MYO9B: variants seen among roughly 807,000 people sequenced by gnomAD.
MYO9B encodes unconventional myosin-IXb.
MYO9B carries 71 observed loss-of-function variants against 229.5 expected under a neutral mutation model. The observed-to-expected ratio is 0.31, with a 90% confidence interval of 0.26 to 0.38. The LOEUF (loss-of-function observed/expected upper bound fraction) is 0.38, where lower values mean the gene tolerates loss of function less well. Ranked by LOEUF, MYO9B falls within the 10% of genes least tolerant of loss-of-function variation. The pLI, the probability that MYO9B is intolerant of heterozygous loss-of-function variation, is 1.00. For synonymous variants in MYO9B, 1,185 were observed against 1,235.8 expected (o/e 0.96, Z 0.86); for missense variants, 2,255 against 2,920.5 (o/e 0.77, Z 5.25).
chr19:17,200,584 C>T, intron 25 of MYO9B, 55 bp from the exon 26 acceptor site: 1 of 1,543,204 alleles, frequency 6.5e-7, no homozygotes, highest in Non-Finnish European at 8.8e-7. Context: ...ATAGGAGGTC[C>T]CCTGCATCCT....
intron 10 of MYO9B, among the ~76,000 whole-genome samples, chr19:17,167,239 C>T (rs1343161173): frequency 2.7e-5 from 4 of 146,704 alleles, no homozygotes; most frequent in Non-Finnish European, 5.9e-5. Context: ...TGCTATATTG[C>T]CCGGGCTGGT....
chr19:17,194,734 G>A lies in MYO9B; in HGVS notation c.3307G>A (p.Val1103Met), dbSNP rs375211356. The A allele has an allele frequency of 8.7e-6, 14 of 1,612,926 alleles. No individual in the cohort carries two copies. In the African/African-American group the frequency reaches 1.5e-4, roughly 17 times the overall value. Residue 1103 changes from valine to methionine, a missense_variant, in exon 22 of 40, where the codon GTG becomes ATG. Physicochemically the swap from Val to Met is conservative, Grantham distance 21. This residue lies in a region of MYO9B where 679 missense variants were observed against 770.2 expected (regional missense o/e 0.88). Coordinates refer to ENST00000682292, the MANE Select transcript of MYO9B (RefSeq NM_004145.4). ...CGGGCACCTGGCATCGGAGCCTGAGGTGCAGCCAAGTGACAGGTCCCCCCT... is the reference window on the plus strand; with the variant it reads ...CGGGCACCTGGCATCGGAGCCTGAGATGCAGCCAAGTGACAGGTCCCCCCT... ...DGGHLASEPE[V>M]QPSDRSPLEH...
intron 14 of MYO9B, chr19:17,177,414 C>G (rs1434865667): frequency 6.6e-6 from 1 of 151,758 alleles, no homozygotes; most frequent in Non-Finnish European, 1.5e-5. Context: ...GGTGTAATCA[C>G]AGCTCACTGC....
intron 23 of MYO9B, 75 bp downstream of exon 23, chr19:17,197,933 A>G: frequency 6.5e-7 from 1 of 1,545,636 alleles, no homozygotes; most frequent in Non-Finnish European, 8.9e-7. Context: ...GCTTGCCTGT[A>G]ACCCCAGCTA....
At chr19:17,200,530 T>C (rs960330284) in intron 25 of MYO9B, 104 bp downstream of exon 25, 137 of 1,510,538 alleles carry the variant, frequency 9.1e-5, no homozygotes, top group Non-Finnish European at 1.2e-4. Flanking sequence ...GGCCAAGCCC[T>C]AGGCACAGAG....
intron 11 of MYO9B, among the ~76,000 whole-genome samples, chr19:17,170,548 C>A (rs1012929109): frequency 1.3e-5 from 2 of 150,332 alleles, no homozygotes; most frequent in Non-Finnish European, 3.0e-5. Flanking sequence ...GCGGTGGCTC[C>A]CACCTGTAAT....
At chr19:17,091,996 C>T in intron 1 of MYO9B, among the ~76,000 whole-genome samples, 1 of 152,242 alleles carries the variant, frequency 6.6e-6, no homozygotes, top group Admixed American at 6.5e-5. Context: ...CAGAGGGCTC[C>T]TGGTGCTCCA....
At chr19:17,112,905 G>T (rs2057862349) in intron 2 of MYO9B, among the ~76,000 whole-genome samples, 1 of 152,242 alleles carries the variant, frequency 6.6e-6, no homozygotes, top group Admixed American at 6.5e-5. Context: ...TTGAGAGGGG[G>T]CGTGTGGCTC....
rs201018459 is a variant in MYO9B at position 17,205,292 on chromosome 19, G to A, written c.5020G>A (p.Val1674Met). Reference protein sequence around the residue: ...VCKMTCHKKCVHKIQSHCSYT... With the variant: ...VCKMTCHKKCMHKIQSHCSYT... ...CAAGATGACCTGCCACAAGAAGTGC[G>A]TGCACAAGATTCAGAGCCACTGCTC... Residue 1674 changes from valine to methionine, a missense_variant, in exon 31 of 40, where the codon GTG becomes ATG. By Grantham distance (21) the Val-to-Met change is conservative. Transcript: ENST00000682292. 237 of 1,613,846 alleles carry A rather than the reference G, an allele frequency of 1.5e-4. No individual in the cohort carries two copies. The highest frequency in any genetic ancestry group is 1.8e-4 in the Non-Finnish European group (212 of 1,179,836).
At chr19:17,160,915 T>C (rs1159864150) in intron 8 of MYO9B, among the ~76,000 whole-genome samples, 1 of 151,968 alleles carries the variant, frequency 6.6e-6, no homozygotes, top group African/African-American at 2.4e-5. Context: ...GTCAGGCTGG[T>C]CTTGAACTCC....
chr19:17,206,230 A>ACCCCCCCCCC lies in MYO9B; in HGVS notation c.5258-14_5258-13insCCCCCCCCCC. 7.4e-6 allele frequency: 3 copies of ACCCCCCCCCC among 407,810 alleles called. No individual in the cohort carries two copies. The highest frequency in any genetic ancestry group is 3.7e-5 in the Admixed American group (1 of 26,742). 25.3% of individuals were successfully genotyped at this position (407,810 alleles called of 1,614,324 possible). A position where few individuals can be genotyped will look rare whatever the true frequency, so the allele number is the denominator to read the frequency against. On this transcript the variant is annotated splice_polypyrimidine_tract_variant and intron_variant, in intron 32 of 39. Coordinates refer to ENST00000682292, the MANE Select transcript of MYO9B (RefSeq NM_004145.4). ...TGCCAGTGCGCCGCTCACCAGACCC[A>ACCCCCCCCCC]CCCCACCCACCCCACAGACCCCGCA...
At position 17,121,668 on chromosome 19, in the gene MYO9B, T is replaced by C. The variant is rs1157901463; in HGVS notation, c.840+19111T>C. The stretch of plus-strand genomic sequence containing the variant: ...CCTAAGGAGATTACCTTTCTTTACA[T>C]GTGCAAATGTTCACTTTTGCCGCAT... On this transcript the variant is annotated intron_variant, in intron 2 of 39. Transcript: ENST00000682292. Among the ~76,000 whole-genome samples, 4 of 152,156 alleles carry C rather than the reference T, an allele frequency of 2.6e-5. No homozygotes were observed. The East Asian group carries it at 7.7e-4, about 29-fold the overall frequency.
chr19:17,151,791 G>C (rs778136108), intron 3 of MYO9B, among the ~76,000 whole-genome samples: 1 of 152,080 alleles, frequency 6.6e-6, no homozygotes, highest in Non-Finnish European at 1.5e-5. Context: ...CCAGCCACTC[G>C]GGAGGTTGAG....
At chr19:17,205,460 C>A in intron 31 of MYO9B, 124 bp downstream of exon 31, 1 of 874,412 alleles carries the variant, frequency 1.1e-6, no homozygotes, top group Admixed American at 2.1e-5. Context: ...GCGGCTGTGG[C>A]CTCTGGTTCT....
chr19:17,084,351 T>A (rs950041068), intron 1 of MYO9B, among the ~76,000 whole-genome samples: 2 of 149,962 alleles, frequency 1.3e-5, no homozygotes, highest in African/African-American at 2.4e-5. Flanking sequence ...AAAAAAAAAA[T>A]TATTGGGAAT....
chr19:17,174,855 A>C (rs1599392784), intron 13 of MYO9B, among the ~76,000 whole-genome samples: 1 of 151,166 alleles, frequency 6.6e-6, no homozygotes, highest in Non-Finnish European at 1.5e-5. Flanking sequence ...AATCACTTAA[A>C]CCGGGGAGGC....
At chr19:17,142,820 G>T (rs186466024) in intron 2 of MYO9B, among the ~76,000 whole-genome samples, 1 of 152,018 alleles carries the variant, frequency 6.6e-6, no homozygotes, top group Non-Finnish European at 1.5e-5. Context: ...TTCTTGGCTC[G>T]CAGGCGATTA....
chr19:17,209,764 C>T, intron 36 of MYO9B, 55 bp downstream of exon 36: 1 of 1,506,356 alleles, frequency 6.6e-7, no homozygotes, highest in Non-Finnish European at 9.0e-7. Flanking sequence ...GAGCCTGGTG[C>T]TGGGCAGGGC....
intron 2 of MYO9B, among the ~76,000 whole-genome samples, chr19:17,142,670 A>G (rs1198932008): frequency 6.6e-6 from 1 of 152,140 alleles, no homozygotes; most frequent in East Asian, 1.9e-4. Flanking sequence ...AACACAATTG[A>G]ATGAGCCTGG....
Sources: allele counts gnomAD v4.1 joint callset (sites outside exome capture counted in the v4.1 genomes callset), GRCh38; gene constraint gnomAD v4.1.1; regional missense constraint gnomAD v4.1.1; transcripts MANE v1.5; gene names NCBI Gene and HGNC (gene_info 2026-07-23, HGNC 2026-07-21).